Variants in COL23A1 observed in about 807,000 individuals in gnomAD.
The protein encoded by COL23A1 is collagen type XXIII alpha 1 chain, also known as collagen alpha-1(XXIII) chain.
A neutral mutation model predicts 99.3 loss-of-function variants in COL23A1; 97 were observed. That is an observed-to-expected ratio of 0.98 (90% CI 0.83 to 1.16). The LOEUF (loss-of-function observed/expected upper bound fraction) is 1.16, where lower values mean the gene tolerates loss of function less well. COL23A1 is among the 50% of genes most tolerant of loss of function. The probability of loss-of-function intolerance (pLI) is 0.00; values close to 1 mark genes in which losing one functional copy is unlikely to be tolerated. For synonymous variants in COL23A1, 320 were observed against 308.2 expected, an observed-to-expected ratio of 1.04 and a Z score of -0.40; for missense variants, 762 against 757.4, an observed-to-expected ratio of 1.01 and a Z score of -0.07.
At chr5:178,523,694 C>T (rs1760148033) in intron 2 of COL23A1, 1 of 152,128 alleles carries the variant, frequency 6.6e-6, no homozygotes, top group African/African-American at 2.4e-5. Flanking sequence ...AACCGAACAG[C>T]ATATGTAAAC....
intron 2 of COL23A1, among the ~76,000 whole-genome samples, chr5:178,326,337 T>C (rs1759655625): frequency 1.3e-5 from 2 of 151,912 alleles, no homozygotes; most frequent in African/African-American, 4.8e-5. Flanking sequence ...ACTTATAATT[T>C]ACCCTCCATG....
chr5:178,268,830 A>C lies in COL23A1; in HGVS notation c.469-74T>G. ...CTGGCTCCCCTTCTGGCTTCCCTAT[A>C]CCTCTGAGGGCAGAAGGGCCCGTGA... is the stretch of plus-strand genomic sequence containing the variant. On this transcript the variant is annotated intron_variant, in intron 6 of 28. Coordinates refer to ENST00000390654, the MANE Select transcript of COL23A1 (RefSeq NM_173465.4). The C allele has an allele frequency of 3.4e-6, 5 of 1,489,724 alleles. No individual in the cohort carries two copies. In the South Asian group the frequency reaches 5.0e-5, roughly 15 times the overall value. 92.3% of individuals were successfully genotyped at this position (1,489,724 alleles called of 1,614,324 possible).
intron 2 of COL23A1, among the ~76,000 whole-genome samples, chr5:178,516,773 C>T (rs1457157693): frequency 6.6e-6 from 1 of 152,200 alleles, no homozygotes; most frequent in Non-Finnish European, 1.5e-5. Context: ...CCCCAGGCTC[C>T]CCAGATGCTC....
At chr5:178,380,809 G>A (rs1157874425) in intron 2 of COL23A1, among the ~76,000 whole-genome samples, 2 of 152,208 alleles carry the variant, frequency 1.3e-5, no homozygotes, top group Non-Finnish European at 2.9e-5. Context: ...GCGTCCTGCT[G>A]AGCAGGGTCA....
chr5:178,425,099 G>A (rs1271519629), intron 2 of COL23A1, among the ~76,000 whole-genome samples: 1 of 152,208 alleles, frequency 6.6e-6, no homozygotes, highest in African/African-American at 2.4e-5. Context: ...GGAGAAAAAC[G>A]CAAAGCAGCC....
rs1019601531 is a variant in COL23A1 at position 178,415,098 on chromosome 5, G to A, written c.362-108179C>T. 1.4e-4 allele frequency among the ~76,000 whole-genome samples: 22 copies of A among 151,832 alleles called. No individual in the cohort carries two copies. Among genetic ancestry groups the A allele is most frequent in the Non-Finnish European group, 2.8e-4 (19 of 67,982 alleles). On this transcript the variant is annotated intron_variant, in intron 2 of 28. Coordinates refer to ENST00000390654, the MANE Select transcript of COL23A1 (RefSeq NM_173465.4). The surrounding 1 kb of genome is among the most constrained non-coding windows in gnomAD (Gnocchi z 4.6). Reference sequence around the variant, plus strand: ...GCCTCAGTTTCTCAGCACGAAACCCGGAATATGTGAGTGCTGGTTCTCTCT... The same window carrying A: ...GCCTCAGTTTCTCAGCACGAAACCCAGAATATGTGAGTGCTGGTTCTCTCT...
intron 8 of COL23A1, among the ~76,000 whole-genome samples, chr5:178,265,986 A>C (rs1046125784): frequency 2.6e-5 from 4 of 152,140 alleles, no homozygotes; most frequent in Non-Finnish European, 4.4e-5. Context: ...AAGAGAGCCT[A>C]ACCCTTACCC....
chr5:178,358,234 G>GTGTA lies in COL23A1; in HGVS notation c.362-51316_362-51315insTACA, dbSNP rs1561896676. On this transcript the variant is annotated intron_variant, in intron 2 of 28. Transcript: ENST00000390654. ...GTGTATGTGTGTCTAATGTGTGTAT[G>GTGTA]TGTGTATGTGTATGTGTGTGTATGT... is the stretch of plus-strand genomic sequence containing the variant. Among the ~76,000 whole-genome samples, 185 of 92,728 alleles carry GTGTA rather than the reference G, an allele frequency of 2.0e-3. 2 individuals are homozygous for GTGTA. Among genetic ancestry groups the GTGTA allele is most frequent in the Middle Eastern group, 0.015 (3 of 206 alleles). 60.8% of individuals were successfully genotyped at this position (92,728 alleles called of 152,430 possible).
chr5:178,305,540 T>G (rs1758304332), intron 3 of COL23A1, among the ~76,000 whole-genome samples: 1 of 152,210 alleles, frequency 6.6e-6, no homozygotes, highest in Non-Finnish European at 1.5e-5. Flanking sequence ...GGGCTGCCCG[T>G]GCTGAGTGTG....
At position 178,388,245 on chromosome 5, in the gene COL23A1, C is replaced by T. The variant is rs111363431; in HGVS notation, c.362-81326G>A. Among the ~76,000 whole-genome samples the T allele has an allele frequency of 5.4e-3, 825 of 152,336 alleles. 10 individuals are homozygous for T. Among genetic ancestry groups the T allele is most frequent in the African/African-American group, 0.019 (786 of 41,574 alleles). ...AGAGATGCAAGACCTGCTTTTAGCG[C>T]TAGTCCTGATAATCCCACAGCAGAG... On this transcript the variant is annotated intron_variant, in intron 2 of 28. Coordinates refer to ENST00000390654, the MANE Select transcript of COL23A1 (RefSeq NM_173465.4).
At chr5:178,329,143 T>TC (rs1759863801) in intron 2 of COL23A1, among the ~76,000 whole-genome samples, 2 of 152,138 alleles carry the variant, frequency 1.3e-5, no homozygotes, top group African/African-American at 4.8e-5. Flanking sequence ...CTGCTCACTG[T>TC]CCCCCATAGC....
intron 2 of COL23A1, among the ~76,000 whole-genome samples, chr5:178,407,960 A>G (rs944115905): frequency 1.3e-5 from 2 of 152,238 alleles, no homozygotes; most frequent in African/African-American, 2.4e-5. Context: ...ATGTGCCCAA[A>G]GACCTGGGCC....
At position 178,434,393 on chromosome 5, in the gene COL23A1, C is replaced by T. The variant is rs558477760; in HGVS notation, c.361+126289G>A. Among the ~76,000 whole-genome samples the T allele has an allele frequency of 4.6e-5, 7 of 152,366 alleles. No homozygotes were observed. In the East Asian group the frequency reaches 1.2e-3, roughly 25 times the overall value. ...CCACCAGGACAGCGCCCCTGCAGCACGGTGGCCTCGGGCAAAATGCCTGGA... is the reference window on the plus strand; with the variant it reads ...CCACCAGGACAGCGCCCCTGCAGCATGGTGGCCTCGGGCAAAATGCCTGGA... On this transcript the variant is annotated intron_variant, in intron 2 of 28. Transcript: ENST00000390654. The surrounding 1 kb of genome is among the most constrained non-coding windows in gnomAD (Gnocchi z 4.3).
intron 1 of COL23A1, among the ~76,000 whole-genome samples, chr5:178,585,750 GTT>G (rs1469922770): frequency 7.7e-4 from 117 of 151,942 alleles, no homozygotes; most frequent in South Asian, 2.1e-3. Context: ...GGCTGACCCT[GTT>G]GGTTGCTCCC....
intron 2 of COL23A1, among the ~76,000 whole-genome samples, chr5:178,473,554 A>T (rs10073180): frequency 0.04 from 5,993 of 149,610 alleles, 440 homozygotes; most frequent in African/African-American, 0.14. Flanking sequence ...GCTCAAGCAA[A>T]CCACCCACTT....
Position 178,340,080 on chromosome 5 carries a change from G to A in COL23A1, c.362-33161C>T, listed in dbSNP as rs1760568505. 6.6e-6 allele frequency among the ~76,000 whole-genome samples: 1 copy of A among 152,152 alleles called. No homozygotes were observed. Among genetic ancestry groups the A allele is most frequent in the South Asian group, 2.1e-4 (1 of 4,822 alleles). On this transcript the variant is annotated intron_variant, in intron 2 of 28. Transcript: ENST00000390654. The surrounding 1 kb of genome is among the most constrained non-coding windows in gnomAD (Gnocchi z 4.7). ...GAATGGATGGACGGGTTAGGGAGATGAATTCTGGTGTTGCCTGTCTCTAGC... is the reference window on the plus strand; with the variant it reads ...GAATGGATGGACGGGTTAGGGAGATAAATTCTGGTGTTGCCTGTCTCTAGC...
At chr5:178,522,372 G>A (rs1201367311) in intron 2 of COL23A1, among the ~76,000 whole-genome samples, 2 of 152,124 alleles carry the variant, frequency 1.3e-5, no homozygotes, top group East Asian at 3.9e-4. Context: ...TTTAGCCCAC[G>A]TGAGTCCCAG....
chr5:178,479,461 G>A (rs1426406154), intron 2 of COL23A1, among the ~76,000 whole-genome samples: 7 of 152,152 alleles, frequency 4.6e-5, no homozygotes, highest in African/African-American at 1.7e-4. Flanking sequence ...GCGCCACAGC[G>A]GCCGGTGAGG....
chr5:178,309,029 A>G lies in COL23A1; in HGVS notation c.362-2110T>C, dbSNP rs992091529. Among the ~76,000 whole-genome samples, 1 of 152,078 alleles carries G rather than the reference A, an allele frequency of 6.6e-6. No homozygotes were observed. The highest frequency in any genetic ancestry group is 2.4e-5 in the African/African-American group (1 of 41,414). ...GCAGTAGGCCCCGGGCCCCAGGCAG[A>G]GTGAGGGGGCATGGCAGGAAAGGGG... On this transcript the variant is annotated intron_variant, in intron 2 of 28. Coordinates refer to ENST00000390654, the MANE Select transcript of COL23A1 (RefSeq NM_173465.4). The surrounding 1 kb of genome is among the most constrained non-coding windows in gnomAD (Gnocchi z 4.7).
Sources: allele counts gnomAD v4.1 joint callset (sites outside exome capture counted in the v4.1 genomes callset), GRCh38; gene constraint gnomAD v4.1.1; non-coding constraint Gnocchi (gnomAD v3.1); transcripts MANE v1.5; gene names NCBI Gene and HGNC (gene_info 2026-07-23, HGNC 2026-07-21).